VPS35L: variants seen among roughly 807,000 people sequenced by gnomAD.
VPS35L encodes the protein VPS35 endosomal protein sorting factor like, also known as VPS35 endosomal protein-sorting factor-like.
A neutral mutation model predicts 133.0 loss-of-function variants in VPS35L; 83 were observed. The ratio of observed to expected loss-of-function variants is 0.62; its 90% confidence interval spans 0.52 to 0.75. The LOEUF (loss-of-function observed/expected upper bound fraction) is 0.75. VPS35L is among the 30% of genes least tolerant of loss of function. VPS35L has a pLI of 0.00. For missense variants in VPS35L, 1,083 were observed against 1,206.8 expected (o/e 0.90, Z 1.52); for synonymous variants, 423 against 449.9 (o/e 0.94, Z 0.76).
chr16:19,569,263 C>A, intron 2 of VPS35L, 161 bp from the exon 3 acceptor site: 1 of 802,238 alleles, frequency 1.2e-6, no homozygotes, highest in Non-Finnish European at 2.2e-6. Flanking sequence ...TGAGTCATGT[C>A]CATTTGTCAC....
chr16:19,674,183 TC>T (rs369580791), intron 27 of VPS35L, among the ~76,000 whole-genome samples: 1 of 136,732 alleles, frequency 7.3e-6, no homozygotes, highest in Non-Finnish European at 1.5e-5. Context: ...TTTTTCTTTT[TC>T]TTTTTTTTTT....
chr16:19,689,808 C>T (rs1035193172), intron 28 of VPS35L, among the ~76,000 whole-genome samples: 4 of 152,156 alleles, frequency 2.6e-5, no homozygotes, highest in African/African-American at 9.7e-5. Flanking sequence ...ATATAGGATT[C>T]AATACTGTCT....
intron 28 of VPS35L, among the ~76,000 whole-genome samples, chr16:19,685,948 C>T (rs943736538): frequency 6.6e-6 from 1 of 152,176 alleles, no homozygotes; most frequent in African/African-American, 2.4e-5. Flanking sequence ...CAGATTCAGC[C>T]CATCCTTTCT....
rs566028102 is a variant in VPS35L at position 19,576,587 on chromosome 16, C to T, written c.433+1465C>T. On this transcript the variant is annotated intron_variant, in intron 5 of 30. Coordinates refer to ENST00000417362, the MANE Select transcript of VPS35L (RefSeq NM_020314.7). ...TCCAAGGGGATTCTGGAGCAACTGACGGATCATGTGCTGCTGGGTGCAGAT... is the reference window on the plus strand; with the variant it reads ...TCCAAGGGGATTCTGGAGCAACTGATGGATCATGTGCTGCTGGGTGCAGAT... Among the ~76,000 whole-genome samples, 29 of 152,274 alleles carry T rather than the reference C, an allele frequency of 1.9e-4. No homozygotes were observed. The South Asian group carries it at 5.2e-3, about 27-fold the overall frequency.
Position 19,699,784 on chromosome 16 carries a change from T to G in VPS35L, c.2793+136T>G, listed in dbSNP as rs1976050216. 3 of 1,183,204 alleles carry G rather than the reference T, an allele frequency of 2.5e-6. No individual in the cohort carries two copies. In the African/African-American group the frequency reaches 4.6e-5, roughly 18 times the overall value. 73.3% of individuals were successfully genotyped at this position (1,183,204 alleles called of 1,614,324 possible). ...AGAAAAGCACTTGGTCCATTTCTAC[T>G]GGATCACTTCCTAGCAGTAAAAAGC... On this transcript the variant is annotated intron_variant, in intron 30 of 30. Coordinates refer to ENST00000417362, the MANE Select transcript of VPS35L (RefSeq NM_020314.7). This position sits in a 1 kb window ranked among gnomAD's most constrained non-coding sequence, Gnocchi z 4.2.
chr16:19,571,801 T>C (rs1292441653), intron 3 of VPS35L, among the ~76,000 whole-genome samples: 1 of 151,598 alleles, frequency 6.6e-6, no homozygotes, highest in African/African-American at 2.4e-5. Context: ...CACATTGGCC[T>C]CCCAAAGTGC....
intron 26 of VPS35L, among the ~76,000 whole-genome samples, chr16:19,661,906 C>T (rs552790696): frequency 6.6e-4 from 100 of 152,248 alleles, no homozygotes; most frequent in African/African-American, 2.3e-3. Flanking sequence ...TGCCATATTT[C>T]TGTTTTATAC....
intron 14 of VPS35L, among the ~76,000 whole-genome samples, chr16:19,625,514 AC>A (rs1456108541): frequency 6.6e-6 from 1 of 151,872 alleles, no homozygotes; most frequent in Admixed American, 6.6e-5. Flanking sequence ...TCCTGTAGTG[AC>A]CCCACAGATG....
intron 23 of VPS35L, among the ~76,000 whole-genome samples, chr16:19,646,474 T>G (rs12102515): frequency 0.34 from 51,834 of 151,754 alleles, 9,035 homozygotes; most frequent in East Asian, 0.37. Flanking sequence ...GAGACCAGCC[T>G]CACCAACATG....
rs1974789571 is a variant in VPS35L, at chr16:19,669,118, C to T, written c.2222-42C>T. The T allele has an allele frequency of 1.9e-6, 3 of 1,545,880 alleles. No individual in the cohort carries two copies. In the African/African-American group the frequency reaches 4.1e-5, roughly 21 times the overall value. ...GTGAAGAAGAAAGCCAACTAAATTT[C>T]CCAGAGTTCTAATATACTGACTTTT... On this transcript the variant is annotated intron_variant, in intron 26 of 30. Coordinates refer to ENST00000417362, the MANE Select transcript of VPS35L (RefSeq NM_020314.7).
intron 26 of VPS35L, among the ~76,000 whole-genome samples, chr16:19,664,898 T>TA (rs796465463): frequency 0.062 from 7,649 of 123,672 alleles, 291 homozygotes; most frequent in Non-Finnish European, 0.088. Context: ...AGAGTTCATC[T>TA]AAAAAAAAAA....
intron 12 of VPS35L, among the ~76,000 whole-genome samples, chr16:19,611,089 G>T (rs537875050): frequency 6.6e-6 from 1 of 151,938 alleles, no homozygotes; most frequent in Non-Finnish European, 1.5e-5. Context: ...AACCTCCACC[G>T]CCTGGGTTCA....
intron 12 of VPS35L, among the ~76,000 whole-genome samples, chr16:19,615,416 G>A (rs113815794): frequency 0.03 from 4,473 of 148,428 alleles, 230 homozygotes; most frequent in African/African-American, 0.1. Context: ...TTGGTAGGCC[G>A]AGGCAGGCAG....
chr16:19,632,872 T>C (rs1474689192), intron 18 of VPS35L, among the ~76,000 whole-genome samples: 3 of 152,258 alleles, frequency 2.0e-5, no homozygotes, highest in East Asian at 1.9e-4. Flanking sequence ...CCAGAACTTT[T>C]GAGAAGAGCG....
chr16:19,699,401 C>T lies in VPS35L; in HGVS notation c.2647-101C>T. On this transcript the variant is annotated intron_variant, in intron 29 of 30. Coordinates refer to ENST00000417362, the MANE Select transcript of VPS35L (RefSeq NM_020314.7). This position sits in a 1 kb window ranked among gnomAD's most constrained non-coding sequence, Gnocchi z 4.2. ...ATACATGGCAGAGCTGGCACTGGAA[C>T]TCAGGCATGACCTACCCCAGAGTCA... 1 of 1,434,188 alleles carries T rather than the reference C, an allele frequency of 7.0e-7. No homozygotes were observed. Among genetic ancestry groups the T allele is most frequent in the Non-Finnish European group, 9.5e-7 (1 of 1,054,642 alleles). 88.8% of individuals were successfully genotyped at this position (1,434,188 alleles called of 1,614,324 possible).
At chr16:19,620,334 T>C (rs901478548) in intron 14 of VPS35L, among the ~76,000 whole-genome samples, 7 of 152,192 alleles carry the variant, frequency 4.6e-5, no homozygotes, top group South Asian at 2.1e-4. Flanking sequence ...AGACATGCTC[T>C]TTTTCCCCCA....
chr16:19,646,970 G>T (rs996054200), intron 23 of VPS35L, among the ~76,000 whole-genome samples: 2 of 152,174 alleles, frequency 1.3e-5, no homozygotes, highest in African/African-American at 4.8e-5. Flanking sequence ...GAAAAGTCAG[G>T]ACCAAAGCTG....
At chr16:19,603,175 T>C (rs1294385836) in intron 9 of VPS35L, among the ~76,000 whole-genome samples, 1 of 152,200 alleles carries the variant, frequency 6.6e-6, no homozygotes, top group African/African-American at 2.4e-5. Flanking sequence ...TGAAGTGCTT[T>C]TAGGACCCAT....
chr16:19,586,157 C>T lies in VPS35L; in HGVS notation c.639+4504C>T, dbSNP rs141627289. Among the ~76,000 whole-genome samples the T allele has an allele frequency of 4.1e-3, 626 of 152,296 alleles. 6 individuals are homozygous for T. Among genetic ancestry groups the T allele is most frequent in the Non-Finnish European group, 6.8e-3 (461 of 68,038 alleles). On this transcript the variant is annotated intron_variant, in intron 7 of 30. Transcript: ENST00000417362. Reference sequence around the variant, plus strand: ...TCAAGCGATCCTTTCATCTTGGCCTCCCAAAGTGCTAGGATTACAGGCATG... The same window carrying T: ...TCAAGCGATCCTTTCATCTTGGCCTTCCAAAGTGCTAGGATTACAGGCATG...
Sources: gnomAD v4.1 joint callset for allele counts (sites outside exome capture counted in the v4.1 genomes callset) on GRCh38, gnomAD v4.1.1 for gene constraint, Gnocchi (gnomAD v3.1) non-coding constraint, MANE v1.5 for transcripts, NCBI Gene and HGNC (gene_info 2026-07-23, HGNC 2026-07-21) for gene names.